RAB3C: variants seen among roughly 807,000 people sequenced by gnomAD.
RAB3C encodes RAB3C, member RAS oncogene family, also known as ras-related protein Rab-3C.
Under a neutral mutation model 26.4 loss-of-function variants are expected in RAB3C, and 17 were observed. That is an observed-to-expected ratio of 0.64 (90% confidence interval 0.44 to 0.97). RAB3C has a LOEUF of 0.97. RAB3C is among the 50% of genes least tolerant of loss of function. RAB3C has a pLI of 0.00. For synonymous variants in RAB3C, 91 were observed against 95.9 expected, an observed-to-expected ratio of 0.95 and a Z score of 0.30; for missense variants, 242 against 281.9, an observed-to-expected ratio of 0.86 and a Z score of 1.01.
intron 2 of RAB3C, among the ~76,000 whole-genome samples, chr5:58,701,354 T>C (rs953683413): frequency 6.6e-6 from 1 of 152,162 alleles, no homozygotes; most frequent in Non-Finnish European, 1.5e-5. Flanking sequence ...GTGTTATCAA[T>C]TTTACCTTTG....
chr5:58,747,936 A>G (rs1003122443), intron 3 of RAB3C, among the ~76,000 whole-genome samples: 1 of 152,112 alleles, frequency 6.6e-6, no homozygotes, highest in African/African-American at 2.4e-5. Flanking sequence ...AGGCATTTAA[A>G]TAGTACATTT....
chr5:58,777,427 G>C (rs1561126897), intron 3 of RAB3C, among the ~76,000 whole-genome samples: 2 of 152,020 alleles, frequency 1.3e-5, no homozygotes, highest in African/African-American at 4.8e-5. Flanking sequence ...TGAGCATCAA[G>C]ATCCACCTCA....
rs969444799 is a variant in RAB3C, at chr5:58,782,320, G to A, written c.372-42718G>A. The stretch of plus-strand genomic sequence containing the variant: ...TGTGTGTTACATGACATGGTATGAT[G>A]CCTTAAACTCCCGTCAAAAATCTAC... On this transcript the variant is annotated intron_variant, in intron 3 of 4. Transcript: ENST00000282878. Among the ~76,000 whole-genome samples, 8 of 152,102 alleles carry A rather than the reference G, an allele frequency of 5.3e-5. No individual in the cohort carries two copies. The South Asian group carries it at 8.3e-4, about 16-fold the overall frequency.
intron 3 of RAB3C, among the ~76,000 whole-genome samples, chr5:58,818,070 T>C (rs1743254731): frequency 6.6e-6 from 1 of 152,216 alleles, no homozygotes; most frequent in South Asian, 2.1e-4. Context: ...TATTCCCACA[T>C]ACATCCCAAA....
At chr5:58,712,320 A>G (rs911558764) in intron 2 of RAB3C, among the ~76,000 whole-genome samples, 1 of 152,036 alleles carries the variant, frequency 6.6e-6, no homozygotes, top group African/African-American at 2.4e-5. Context: ...ACCCCACACA[A>G]TGCTAGGTAT....
chr5:58,839,383 T>A (rs1743826185), intron 4 of RAB3C, among the ~76,000 whole-genome samples: 1 of 150,838 alleles, frequency 6.6e-6, no homozygotes, highest in South Asian at 2.1e-4. Context: ...ATTTATTTAT[T>A]TTTTGAGACA....
intron 1 of RAB3C, among the ~76,000 whole-genome samples, chr5:58,600,845 C>T (rs373020285): frequency 1.3e-5 from 2 of 152,000 alleles, no homozygotes; most frequent in African/African-American, 4.8e-5. Flanking sequence ...ATTTCTTTCT[C>T]GTCTGATTAC....
chr5:58,751,313 T>C (rs764691633), intron 3 of RAB3C, among the ~76,000 whole-genome samples: 48 of 152,230 alleles, frequency 3.2e-4, no homozygotes, highest in Non-Finnish European at 7.3e-5. Context: ...CTGCCATGTC[T>C]CCAGTACCAG....
intron 2 of RAB3C, among the ~76,000 whole-genome samples, chr5:58,663,607 G>T (rs1288372059): frequency 7.1e-6 from 1 of 141,050 alleles, no homozygotes; most frequent in Non-Finnish European, 1.5e-5. Flanking sequence ...GGGCAAAAGA[G>T]CTGAACAGAC....
At chr5:58,605,247 G>A (rs1016284134) in intron 1 of RAB3C, among the ~76,000 whole-genome samples, 3 of 152,064 alleles carry the variant, frequency 2.0e-5, no homozygotes, top group African/African-American at 7.2e-5. Context: ...TTTTCTTGCG[G>A]TCAATCTGGA....
intron 2 of RAB3C, among the ~76,000 whole-genome samples, chr5:58,705,321 T>C (rs1748922677): frequency 6.6e-6 from 1 of 152,174 alleles, no homozygotes; most frequent in African/African-American, 2.4e-5. Context: ...GCGAATTCCA[T>C]TGCACCAATT....
chr5:58,623,799 T>G (rs1746990967), intron 2 of RAB3C, among the ~76,000 whole-genome samples: 1 of 152,176 alleles, frequency 6.6e-6, no homozygotes, highest in South Asian at 2.1e-4. Context: ...AACTGTGTTC[T>G]GCCAAGGGGT....
chr5:58,738,560 C>A (rs1212362848), intron 3 of RAB3C, among the ~76,000 whole-genome samples: 1 of 152,138 alleles, frequency 6.6e-6, no homozygotes, highest in Non-Finnish European at 1.5e-5. Context: ...TTGGTCAACT[C>A]AACTGTACTT....
chr5:58,819,020 G>GA (rs1461655727), intron 3 of RAB3C, among the ~76,000 whole-genome samples: 1 of 152,080 alleles, frequency 6.6e-6, no homozygotes, highest in Admixed American at 6.6e-5. Flanking sequence ...ACTCTTTAAT[G>GA]AAAAAAATCC....
At chr5:58,587,621 G>A (rs1036930296) in intron 1 of RAB3C, among the ~76,000 whole-genome samples, 3 of 152,116 alleles carry the variant, frequency 2.0e-5, no homozygotes, top group Admixed American at 1.3e-4. Context: ...TGAACAATTT[G>A]ATAAATTTTG....
Position 58,774,739 on chromosome 5 carries a change from G to A in RAB3C, c.371+48619G>A, listed in dbSNP as rs552905378. Among the ~76,000 whole-genome samples, 14 of 152,172 alleles carry A rather than the reference G, an allele frequency of 9.2e-5. 1 individual carries two copies. Among genetic ancestry groups the A allele is most frequent in the African/African-American group, 3.1e-4 (13 of 41,518 alleles). ...GACATTCAAGCCATGATATGAAGGAGGTAAAGAAGCCAAGTGAAGACTCTG... is the reference window on the plus strand; with the variant it reads ...GACATTCAAGCCATGATATGAAGGAAGTAAAGAAGCCAAGTGAAGACTCTG... On this transcript the variant is annotated intron_variant, in intron 3 of 4. Coordinates refer to ENST00000282878, the MANE Select transcript of RAB3C (RefSeq NM_138453.4).
intron 1 of RAB3C, among the ~76,000 whole-genome samples, chr5:58,603,713 T>A (rs1218834951): frequency 2.6e-5 from 4 of 152,210 alleles, no homozygotes; most frequent in Non-Finnish European, 4.4e-5. Context: ...TCACTTCTTG[T>A]ATCATTTTTT....
At chr5:58,834,851 G>C (rs763424273) in intron 4 of RAB3C, among the ~76,000 whole-genome samples, 1 of 152,264 alleles carries the variant, frequency 6.6e-6, no homozygotes, top group Middle Eastern at 3.4e-3. Context: ...TCTCTTTTGT[G>C]CTTCCCAGTT....
chr5:58,823,484 A>C (rs1289079316), intron 3 of RAB3C: 1 of 153,750 alleles, frequency 6.5e-6, no homozygotes, highest in Non-Finnish European at 1.4e-5. Context: ...AGATCATGCC[A>C]CTGCACTCCA....
Sources: allele counts gnomAD v4.1 joint callset (sites outside exome capture counted in the v4.1 genomes callset), GRCh38; gene constraint gnomAD v4.1.1; transcripts MANE v1.5; gene names NCBI Gene and HGNC (gene_info 2026-07-23, HGNC 2026-07-21).